GSE1: variants seen among roughly 807,000 people sequenced by gnomAD.
GSE1 encodes Gse1 coiled-coil protein, also known as genetic suppressor element 1.
GSE1 carries 32 observed loss-of-function variants against 112.6 expected under a neutral mutation model. The observed-to-expected ratio is 0.28, with a 90% CI of 0.21 to 0.38. GSE1 has a LOEUF of 0.38. Ranked by LOEUF, GSE1 falls within the 10% of genes least tolerant of loss-of-function variation. The pLI is 1.00. For missense variants in GSE1, 2,348 were observed against 1,699.2 expected, an observed-to-expected ratio of 1.38 and a Z score of -6.71; for synonymous variants, 1,115 against 735.6, an observed-to-expected ratio of 1.52 and a Z score of -8.35.
intron 1 of GSE1, among the ~76,000 whole-genome samples, chr16:85,242,185 C>T (rs550886567): frequency 1.3e-5 from 2 of 152,318 alleles, no homozygotes; most frequent in East Asian, 3.9e-4. Flanking sequence ...CTCGCTTCCT[C>T]TCCTGGCACC....
chr16:85,638,352 G>C (rs1036730274), intron 2 of GSE1, among the ~76,000 whole-genome samples: 5 of 152,170 alleles, frequency 3.3e-5, no homozygotes, highest in African/African-American at 4.8e-5. Flanking sequence ...GCCCACCAGC[G>C]CGGGCCAGAC....
chr16:85,209,374 G>T (rs2075183344), intron 1 of GSE1, among the ~76,000 whole-genome samples: 1 of 152,164 alleles, frequency 6.6e-6, no homozygotes, highest in East Asian at 1.9e-4. Context: ...CTGGCTGTCA[G>T]TGCCTGGCTC....
At position 85,668,331 on chromosome 16, in the gene GSE1, G is replaced by C. The variant is rs2152001698; in HGVS notation, c.3322G>C (p.Asp1108His). ...GGACTCGGAGGAGGAGGAAGAGGAG[G>C]ATGATGAAGATGGAGAAGATGAGGA... Reference protein sequence around the residue: ...DRDSEEEEEEDDEDGEDEEEV... With the variant: ...DRDSEEEEEEHDEDGEDEEEV... The change falls in exon 14 of 16, where the codon GAT (aspartate) becomes CAT (histidine). Residue 1108 changes from aspartate (D) to histidine (H), a missense_variant. By Grantham distance (81) the Asp-to-His change is moderately conservative. Transcript: ENST00000253458. 2 of 1,613,166 alleles carry C rather than the reference G, an allele frequency of 1.2e-6. No individual in the cohort carries two copies. The highest frequency in any genetic ancestry group is 1.7e-4 in the Middle Eastern group (1 of 6,020).
rs571380959 is a variant in GSE1, at chr16:85,503,929, C to T, written c.2465-129985C>T. Among the ~76,000 whole-genome samples the T allele has an allele frequency of 6.6e-5, 10 of 152,330 alleles. No homozygotes were observed. In the East Asian group the frequency reaches 1.5e-3, roughly 24 times the overall value. The stretch of plus-strand genomic sequence containing the variant: ...CGGCGCTTAATTAGGACCGGCAGTG[C>T]GGAAGATAGATGGTCATCCTTTTTG... On this transcript the variant is annotated intron_variant, in intron 2 of 2. Transcript: ENST00000637419.
intron 1 of GSE1, among the ~76,000 whole-genome samples, chr16:85,297,137 G>T (rs941189228): frequency 6.6e-6 from 1 of 152,250 alleles, no homozygotes; most frequent in Non-Finnish European, 1.5e-5. Flanking sequence ...CCTCTACCCG[G>T]CCAGGCTGGC....
At chr16:85,206,190 A>G (rs2075112362) in intron 1 of GSE1, among the ~76,000 whole-genome samples, 2 of 139,514 alleles carry the variant, frequency 1.4e-5, no homozygotes, top group Non-Finnish European at 3.1e-5. Flanking sequence ...AAGCACCCAG[A>G]TGGGGGGGGC....
intron 2 of GSE1, among the ~76,000 whole-genome samples, chr16:85,487,750 A>C (rs2050887870): frequency 1.4e-5 from 2 of 141,778 alleles, no homozygotes; most frequent in Non-Finnish European, 3.1e-5. Context: ...TGGTGGGGGA[A>C]GGAGGTGGGT....
intron 1 of GSE1, among the ~76,000 whole-genome samples, chr16:85,583,096 G>A (rs754706897): frequency 3.9e-5 from 6 of 152,108 alleles, no homozygotes; most frequent in African/African-American, 1.2e-4. Context: ...ACCCTCCTGC[G>A]AGGGTGGTGT....
upstream of GSE1, among the ~76,000 whole-genome samples, chr16:85,606,592 C>T (rs1567640265): frequency 2.6e-5 from 4 of 152,302 alleles, no homozygotes; most frequent in East Asian, 1.9e-4. Context: ...CTGGGTGACC[C>T]GGGAGAGGGA....
chr16:85,370,078 G>A (rs1471722), intron 2 of GSE1, among the ~76,000 whole-genome samples: 27,640 of 152,114 alleles, frequency 0.18, 2,775 homozygotes, highest in South Asian at 0.28. Context: ...CCACCCTTGC[G>A]GGGCAGGGGC....
At chr16:85,356,476 C>G (rs2046953741) in intron 1 of GSE1, among the ~76,000 whole-genome samples, 1 of 152,220 alleles carries the variant, frequency 6.6e-6, no homozygotes. Flanking sequence ...TTTGACTCCC[C>G]TTGGTGCAGG....
intron 2 of GSE1, among the ~76,000 whole-genome samples, chr16:85,367,456 A>G (rs1597500921): frequency 1.3e-5 from 2 of 152,234 alleles, no homozygotes; most frequent in African/African-American, 2.4e-5. Flanking sequence ...GATATTCAAG[A>G]GGAAGGCAGA....
intron 1 of GSE1, among the ~76,000 whole-genome samples, chr16:85,290,688 T>C (rs376187588): frequency 6.2e-4 from 94 of 152,262 alleles, no homozygotes; most frequent in African/African-American, 2.2e-3. Context: ...AACTAACTCT[T>C]CATAGAGCCT....
In GSE1 at chr16:85,478,568, A is replaced by G. The variant is rs1045935530; in HGVS notation, c.2464+120925A>G. ...TTCCATGGCCTGCCATGGACAGACC[A>G]GTGTGTCCATTCTTCAGTTGGTGGC... On this transcript the variant is annotated intron_variant, in intron 2 of 2. Transcript: ENST00000637419. Among the ~76,000 whole-genome samples, 12 of 150,658 alleles carry G rather than the reference A, an allele frequency of 8.0e-5. No individual in the cohort carries two copies. In the East Asian group the frequency reaches 2.4e-3, roughly 30 times the overall value.
chr16:85,479,115 G>A (rs575884456), intron 2 of GSE1, among the ~76,000 whole-genome samples: 10 of 146,466 alleles, frequency 6.8e-5, no homozygotes, highest in Admixed American at 3.4e-4. Context: ...TCTGCCTCCC[G>A]GGTTCACACC....
chr16:85,484,250 C>T, intron 2 of GSE1, among the ~76,000 whole-genome samples: 1 of 152,256 alleles, frequency 6.6e-6, no homozygotes, highest in Non-Finnish European at 1.5e-5. Flanking sequence ...CTCTGCCTTT[C>T]TCCTCCGCGG....
At chr16:85,477,035 C>A (rs1327721797) in intron 2 of GSE1, among the ~76,000 whole-genome samples, 1 of 149,778 alleles carries the variant, frequency 6.7e-6, no homozygotes, top group East Asian at 2.0e-4. Flanking sequence ...AGTGATTGAA[C>A]CTGCCTCAGC....
At chr16:85,628,327 G>A (rs1331941787) in intron 1 of GSE1, among the ~76,000 whole-genome samples, 12 of 152,358 alleles carry the variant, frequency 7.9e-5, no homozygotes, top group Admixed American at 5.2e-4. Flanking sequence ...AGCTGACACC[G>A]GGGCAGGGAT....
chr16:85,672,224 A>C (rs2053406507), intron 15 of GSE1, 181 bp from the exon 16 acceptor site: 2 of 599,800 alleles, frequency 3.3e-6, no homozygotes, highest in Non-Finnish European at 6.2e-6. Context: ...CGAACTCCTG[A>C]CGACAGGTGA....
Sources: allele counts gnomAD v4.1 joint callset (sites outside exome capture counted in the v4.1 genomes callset), GRCh38; gene constraint gnomAD v4.1.1; transcripts MANE v1.5; gene names NCBI Gene and HGNC (gene_info 2026-07-23, HGNC 2026-07-21).